The following SDC3 variants were observed in gnomAD, a reference collection of about 807,000 sequenced individuals.
The protein encoded by SDC3 is syndecan-3.
A neutral mutation model predicts 24.4 loss-of-function variants in SDC3; 13 were observed. The ratio of observed to expected loss-of-function variants is 0.53; its 90% CI spans 0.35 to 0.85. SDC3 has a LOEUF of 0.85. Among genes scored for constraint, SDC3 ranks in the 40% least tolerant of loss-of-function variants. SDC3 has a pLI of 0.01. For synonymous variants in SDC3, 295 were observed against 260.9 expected, an observed-to-expected ratio of 1.13 and a Z score of -1.26; for missense variants, 571 against 584.5, an observed-to-expected ratio of 0.98 and a Z score of 0.24.
Position 30,870,609 on chromosome 1 carries a change from C to T in SDC3, c.*2602G>A, listed in dbSNP as rs901511713. ...CATCCTCAGGAGGATAAAGCCTGGA[C>T]ATCTGCCTTGGGTCCAGGGATCCAT... On this transcript the variant is annotated 3_prime_UTR_variant, in exon 5 of 5. Coordinates refer to ENST00000339394, the MANE Select transcript of SDC3 (RefSeq NM_014654.4). The T allele has an allele frequency of 6.6e-6, 1 of 152,350 alleles. No individual in the cohort carries two copies. The highest frequency in any genetic ancestry group is 1.5e-5 in the Non-Finnish European group (1 of 68,130). The allele number at this position is 152,350 out of a possible 1,614,324, so 9.4% of individuals were successfully genotyped here.
intron 2 of SDC3, 103 bp from the exon 3 acceptor site, chr1:30,877,268 C>A: frequency 6.9e-7 from 1 of 1,451,828 alleles, no homozygotes; most frequent in South Asian, 1.2e-5. Flanking sequence ...TCTCCCAACC[C>A]CCTCTCTTTA....
rs1398482172 is a variant in SDC3, at chr1:30,871,464, C to T, written c.*1747G>A. 2 of 152,282 alleles carry T rather than the reference C, an allele frequency of 1.3e-5. No individual in the cohort carries two copies. Among genetic ancestry groups the T allele is most frequent in the Admixed American group, 6.5e-5 (1 of 15,290 alleles). The allele number at this position is 152,282 out of a possible 1,614,324, so 9.4% of individuals were successfully genotyped here. ...TTGCTAGGTAACAAAGGAAGTAACCCCTCCCCCACTATCACCTGGTCTCAT... is the reference window on the plus strand; with the variant it reads ...TTGCTAGGTAACAAAGGAAGTAACCTCTCCCCCACTATCACCTGGTCTCAT... On this transcript the variant is annotated 3_prime_UTR_variant, in exon 5 of 5. Transcript: ENST00000339394.
chr1:30,876,493 A>T, intron 3 of SDC3, 59 bp downstream of exon 3: 1 of 1,398,840 alleles, frequency 7.1e-7, no homozygotes, highest in Non-Finnish European at 9.6e-7. Flanking sequence ...CATCCTCCTC[A>T]TCCCTCCCCT....
chr1:30,898,997 C>A (rs1327516812), intron 1 of SDC3, among the ~76,000 whole-genome samples: 1 of 152,244 alleles, frequency 6.6e-6, no homozygotes, highest in Non-Finnish European at 1.5e-5. Flanking sequence ...TCACCACCAC[C>A]TAACGGGTCA....
At chr1:30,884,479 C>T (rs1431689111) in intron 1 of SDC3, among the ~76,000 whole-genome samples, 2 of 152,116 alleles carry the variant, frequency 1.3e-5, no homozygotes, top group African/African-American at 4.8e-5. Context: ...GCAGAGCCCT[C>T]CCTACCCCAA....
Position 30,888,041 on chromosome 1 carries a change from TCAGTGGGCTCC to T in SDC3, c.139-9312_139-9302del, listed in dbSNP as rs201934427. 4.9e-4 allele frequency among the ~76,000 whole-genome samples: 74 copies of T among 152,376 alleles called. No individual in the cohort carries two copies. In the East Asian group the frequency reaches 0.012, roughly 25 times the overall value. ...TGTAAATTATATGCAAATATGCAGA[TCAGTGGGCTCC>T]CAGTGGAGCATACATTCTGGCCATT... On this transcript the variant is annotated intron_variant, in intron 1 of 4. Coordinates refer to ENST00000339394, the MANE Select transcript of SDC3 (RefSeq NM_014654.4).
intron 1 of SDC3, among the ~76,000 whole-genome samples, chr1:30,884,848 C>T (rs1570006882): frequency 6.6e-6 from 1 of 152,204 alleles, no homozygotes; most frequent in South Asian, 2.1e-4. Flanking sequence ...AAATAACCCA[C>T]ATACTGAACG....
At chr1:30,875,663 A>T (rs575543118) in intron 3 of SDC3, among the ~76,000 whole-genome samples, 1 of 152,234 alleles carries the variant, frequency 6.6e-6, no homozygotes, top group African/African-American at 2.4e-5. Flanking sequence ...CACTCCTGAC[A>T]TCTTCATCCT....
intron 1 of SDC3, among the ~76,000 whole-genome samples, chr1:30,894,275 G>A (rs1213891741): frequency 6.7e-6 from 1 of 149,134 alleles, no homozygotes; most frequent in East Asian, 2.0e-4. Context: ...GTGGGTGAGT[G>A]TGTGTGGGGG....
At chr1:30,885,942 C>T (rs972503348) in intron 1 of SDC3, among the ~76,000 whole-genome samples, 7 of 152,212 alleles carry the variant, frequency 4.6e-5, no homozygotes, top group African/African-American at 7.2e-5. Flanking sequence ...GCTGGGACGC[C>T]TCCGTCACCG....
chr1:30,894,415 T>TG (rs1187766673), intron 1 of SDC3, among the ~76,000 whole-genome samples: 3 of 82,748 alleles, frequency 3.6e-5, no homozygotes, highest in South Asian at 4.4e-4. Context: ...AATGTGTGTG[T>TG]GGGGGTGAGT....
At chr1:30,891,266 C>G (rs574064480) in intron 1 of SDC3, among the ~76,000 whole-genome samples, 2 of 152,334 alleles carry the variant, frequency 1.3e-5, no homozygotes, top group African/African-American at 4.8e-5. Flanking sequence ...TAGGGCAACC[C>G]TGAGGACAGG....
At chr1:30,902,389 G>T (rs1308863946) in intron 1 of SDC3, among the ~76,000 whole-genome samples, 1 of 152,214 alleles carries the variant, frequency 6.6e-6, no homozygotes, top group Non-Finnish European at 1.5e-5. Flanking sequence ...GCGGGAGGGG[G>T]GCCGGAAGTG....
At chr1:30,891,377 G>T (rs917183028) in intron 1 of SDC3, among the ~76,000 whole-genome samples, 1 of 152,262 alleles carries the variant, frequency 6.6e-6, no homozygotes, top group African/African-American at 2.4e-5. Context: ...CCCCTCGGGT[G>T]GTTTCCACTC....
chr1:30,885,097 C>G (rs374571574), intron 1 of SDC3, among the ~76,000 whole-genome samples: 3 of 152,290 alleles, frequency 2.0e-5, no homozygotes, highest in South Asian at 4.1e-4. Context: ...AGATGGCTCT[C>G]TCAATTCCGA....
intron 2 of SDC3, chr1:30,877,766 C>T (rs1639674114): frequency 6.4e-6 from 1 of 155,360 alleles, no homozygotes; most frequent in Admixed American, 6.4e-5. Flanking sequence ...AGCTCCTGGG[C>T]TCGGAACCAG....
intron 1 of SDC3, among the ~76,000 whole-genome samples, chr1:30,883,775 C>T (rs370544148): frequency 2.6e-5 from 4 of 151,874 alleles, no homozygotes; most frequent in Admixed American, 6.6e-5. Flanking sequence ...AAGGAGGGGG[C>T]GGGGTTAGTC....
chr1:30,881,027 G>GCAAA (rs368336130), intron 1 of SDC3, among the ~76,000 whole-genome samples: 13 of 134,654 alleles, frequency 9.7e-5, no homozygotes, highest in East Asian at 6.6e-4. Context: ...GCGCACGCAT[G>GCAAA]CACACACACA....
intron 1 of SDC3, among the ~76,000 whole-genome samples, chr1:30,887,071 C>A (rs866719226): frequency 3.3e-5 from 5 of 152,132 alleles, no homozygotes; most frequent in Non-Finnish European, 4.4e-5. Flanking sequence ...GAGACCAGCA[C>A]CACCTCACAC....
Sources: allele counts gnomAD v4.1 joint callset (sites outside exome capture counted in the v4.1 genomes callset), GRCh38; gene constraint gnomAD v4.1.1; transcripts MANE v1.5; gene names NCBI Gene and HGNC (gene_info 2026-07-23, HGNC 2026-07-21).